The following CALN1 variants were observed in gnomAD, a reference collection of about 807,000 sequenced individuals.
The protein encoded by CALN1 is calneuron 1, also known as calcium-binding protein 8.
In CALN1, 17 loss-of-function variants were observed where a neutral mutation model predicts 30.6. The observed-to-expected ratio is 0.56, with a 90% CI of 0.38 to 0.83. The LOEUF is 0.83. CALN1 is among the 40% of genes least tolerant of loss of function. The probability of loss-of-function intolerance (pLI) is 0.00; values close to 1 mark genes in which losing one functional copy is unlikely to be tolerated. For synonymous variants in CALN1, 156 were observed against 131.4 expected (o/e 1.19, Z -1.28); for missense variants, 291 against 354.9 (o/e 0.82, Z 1.45).
chr7:71,806,722 C>CT (rs1487323191), intron 6 of CALN1, among the ~76,000 whole-genome samples: 2 of 151,544 alleles, frequency 1.3e-5, no homozygotes, highest in Non-Finnish European at 2.9e-5. Context: ...TCTGAAGGAC[C>CT]CCCCCCCAGG....
At chr7:72,398,657 A>G (rs1806132071) in intron 2 of CALN1, among the ~76,000 whole-genome samples, 2 of 152,160 alleles carry the variant, frequency 1.3e-5, no homozygotes, top group African/African-American at 4.8e-5. Flanking sequence ...TGTTCCAAAG[A>G]GCTCCCAATC....
intron 2 of CALN1, among the ~76,000 whole-genome samples, chr7:72,291,984 A>G (rs1257727926): frequency 6.6e-6 from 1 of 151,554 alleles, no homozygotes; most frequent in Non-Finnish European, 1.5e-5. Context: ...CCTGGGTGAC[A>G]GAACAATACT....
chr7:72,044,636 G>C (rs1312612972), intron 4 of CALN1, among the ~76,000 whole-genome samples: 1 of 116,048 alleles, frequency 8.6e-6, no homozygotes, highest in Non-Finnish European at 1.6e-5. Flanking sequence ...TTTTGAGGCA[G>C]AGTGTTGCTC....
At chr7:72,153,800 C>A (rs1241779820) in intron 3 of CALN1, among the ~76,000 whole-genome samples, 1 of 152,190 alleles carries the variant, frequency 6.6e-6, no homozygotes, top group Non-Finnish European at 1.5e-5. Flanking sequence ...GTAGTTTCTG[C>A]CACTGGGCAC....
At chr7:71,878,742 G>C (rs17144079) in intron 5 of CALN1, among the ~76,000 whole-genome samples, 17,619 of 152,224 alleles carry the variant, frequency 0.12, 1,485 homozygotes, top group East Asian at 0.43. Context: ...CACGTCCAGA[G>C]AGCTGGGACA....
At chr7:71,830,168 C>T (rs561428016) in intron 5 of CALN1, among the ~76,000 whole-genome samples, 26 of 149,774 alleles carry the variant, frequency 1.7e-4, no homozygotes, top group African/African-American at 5.4e-4. Context: ...TTCAGCCTCC[C>T]GAATAGCTGG....
At chr7:72,456,199 AG>A in the CALN1 span, among the ~76,000 whole-genome samples, 895 of 128,820 alleles carry the variant, frequency 6.9e-3, 7 homozygotes, top group African/African-American at 0.026. Context: ...AAAAAAAAAG[AG>A]AGAGAGAGAG....
intron 2 of CALN1, among the ~76,000 whole-genome samples, chr7:72,391,930 T>C (rs1179712982): frequency 1.3e-5 from 2 of 152,198 alleles, no homozygotes; most frequent in Admixed American, 6.5e-5. Context: ...TGTTGAGATG[T>C]GGTGTCTATG....
chr7:71,989,163 C>A (rs890945937), intron 5 of CALN1, among the ~76,000 whole-genome samples: 4 of 152,138 alleles, frequency 2.6e-5, no homozygotes, highest in Non-Finnish European at 5.9e-5. Flanking sequence ...ACTGGCTGGG[C>A]ACGGTGGCTC....
intron 2 of CALN1, among the ~76,000 whole-genome samples, chr7:72,297,484 C>T (rs1215852117): frequency 6.6e-6 from 1 of 152,082 alleles, no homozygotes; most frequent in Non-Finnish European, 1.5e-5. Flanking sequence ...CAACTCCAGA[C>T]TAATAAATTT....
In CALN1 at chr7:71,938,768, C is replaced by T. The variant is rs553358502; in HGVS notation, c.501+84889G>A. Reference sequence around the variant, plus strand: ...CGAGATGGCGCCACTCCAGCCTGGGCGATAGAACGAAACTCTGTCTGAAAA... The same window carrying T: ...CGAGATGGCGCCACTCCAGCCTGGGTGATAGAACGAAACTCTGTCTGAAAA... On this transcript the variant is annotated intron_variant, in intron 5 of 6. Transcript: ENST00000395275. Among the ~76,000 whole-genome samples, 6 of 152,052 alleles carry T rather than the reference C, an allele frequency of 3.9e-5. No homozygotes were observed. In the East Asian group the frequency reaches 5.8e-4, roughly 15 times the overall value.
intron 3 of CALN1, among the ~76,000 whole-genome samples, chr7:72,276,589 T>C (rs1440797317): frequency 2.0e-5 from 3 of 151,430 alleles, no homozygotes; most frequent in South Asian, 2.1e-4. Context: ...GATTTGACTA[T>C]GAAAGATCTG....
At chr7:71,804,647 C>T (rs1013714030) in intron 6 of CALN1, among the ~76,000 whole-genome samples, 3 of 151,666 alleles carry the variant, frequency 2.0e-5, no homozygotes, top group Non-Finnish European at 2.9e-5. Flanking sequence ...GGCAAAACCC[C>T]GTCTCTACTA....
chr7:72,318,317 C>CT (rs11396865), intron 2 of CALN1, among the ~76,000 whole-genome samples: 50,974 of 152,046 alleles, frequency 0.34, 10,190 homozygotes, highest in Middle Eastern at 0.54. Flanking sequence ...CACTTTCATT[C>CT]TTCTCCTACT....
intron 2 of CALN1, among the ~76,000 whole-genome samples, chr7:72,399,840 G>C (rs150731078): frequency 6.6e-6 from 1 of 152,100 alleles, no homozygotes; most frequent in African/African-American, 2.4e-5. Context: ...TCATGCAGGC[G>C]GATGCCTCAT....
At chr7:72,324,131 G>A (rs577627573) in intron 2 of CALN1, among the ~76,000 whole-genome samples, 2 of 152,226 alleles carry the variant, frequency 1.3e-5, no homozygotes, top group African/African-American at 2.4e-5. Context: ...AAAGTTGGCT[G>A]TACAGTGGAA....
At chr7:72,281,149 G>T (rs1797711323) in intron 2 of CALN1, among the ~76,000 whole-genome samples, 1 of 150,308 alleles carries the variant, frequency 6.7e-6, no homozygotes, top group Non-Finnish European at 1.5e-5. Flanking sequence ...AAAAAAAAAA[G>T]ATGAATTCAG....
chr7:71,858,843 C>T (rs758297531), intron 5 of CALN1, among the ~76,000 whole-genome samples: 6 of 152,062 alleles, frequency 3.9e-5, no homozygotes, highest in Non-Finnish European at 8.8e-5. Flanking sequence ...ATGTATAAAA[C>T]CAAGCTGTGC....
chr7:72,377,436 C>CGTTTGT (rs557354659), intron 2 of CALN1, among the ~76,000 whole-genome samples: 1 of 142,336 alleles, frequency 7.0e-6, no homozygotes, highest in Non-Finnish European at 1.5e-5. Context: ...GCCACACTTT[C>CGTTTGT]GTGTGTGTGT....
Sources: allele counts gnomAD v4.1 joint callset (sites outside exome capture counted in the v4.1 genomes callset), GRCh38; gene constraint gnomAD v4.1.1; transcripts MANE v1.5; gene names NCBI Gene and HGNC (gene_info 2026-07-23, HGNC 2026-07-21).